The following ROBO2 variants were observed in gnomAD, a reference collection of about 807,000 sequenced individuals.
ROBO2 encodes roundabout homolog 2.
Under a neutral mutation model 160.8 loss-of-function variants are expected in ROBO2, and 53 were observed. The observed-to-expected ratio is 0.33, with a 90% CI of 0.26 to 0.41. ROBO2 has a LOEUF of 0.41. Ranked by LOEUF, ROBO2 falls within the 10% of genes least tolerant of loss-of-function variation. The probability of loss-of-function intolerance (pLI) is 1.00; values close to 1 mark genes in which losing one functional copy is unlikely to be tolerated. For synonymous variants in ROBO2, 664 were observed against 611.7 expected (o/e 1.09, Z -1.26); for missense variants, 1,577 against 1,722.4 (o/e 0.92, Z 1.49).
In ROBO2 at chr3:76,580,356, T is replaced by G. The variant is rs1466800923; in HGVS notation, c.110-517658T>G. ...TTTTTTTTTGTGTTTTTTTTTTTGT[T>G]TTTTTTTTTGGTTTTTTTCTCTTGG... On this transcript the variant is annotated intron_variant, in intron 2 of 26. Coordinates refer to the ROBO2 transcript ENST00000487694. Among the ~76,000 whole-genome samples the G allele has an allele frequency of 7.6e-3, 1,120 of 147,344 alleles. 17 individuals are homozygous for G. Among genetic ancestry groups the G allele is most frequent in the African/African-American group, 0.026 (1,042 of 39,902 alleles).
chr3:76,201,534 G>C (rs2107254423), intron 2 of ROBO2, among the ~76,000 whole-genome samples: 1 of 152,236 alleles, frequency 6.6e-6, no homozygotes, highest in East Asian at 1.9e-4. Context: ...CTATGTCCCT[G>C]TGGCCATTGT....
chr3:76,646,919 A>G lies in ROBO2; in HGVS notation c.110-451095A>G, dbSNP rs190249815. On this transcript the variant is annotated intron_variant, in intron 2 of 26. Transcript: ENST00000487694. ...TTACTATCAGAACTAGCAATTCAGTAAGTCATCACCACCCCTATGGCTGGG... is the reference window on the plus strand; with the variant it reads ...TTACTATCAGAACTAGCAATTCAGTGAGTCATCACCACCCCTATGGCTGGG... Among the ~76,000 whole-genome samples the G allele has an allele frequency of 2.0e-3, 303 of 152,354 alleles. 1 individual carries two copies. Among genetic ancestry groups the G allele is most frequent in the African/African-American group, 6.9e-3 (289 of 41,592 alleles).
At chr3:76,112,685 A>C (rs1228532449) in intron 2 of ROBO2, among the ~76,000 whole-genome samples, 4 of 143,208 alleles carry the variant, frequency 2.8e-5, no homozygotes, top group Non-Finnish European at 4.5e-5. Flanking sequence ...AATTCAAATC[A>C]GATTATTCTT....
chr3:76,025,413 A>G (rs1483475738), intron 2 of ROBO2, among the ~76,000 whole-genome samples: 3 of 151,692 alleles, frequency 2.0e-5, no homozygotes, highest in African/African-American at 7.2e-5. Flanking sequence ...CATATAGAAT[A>G]ATTAGGAAAA....
chr3:76,463,159 G>A (rs1014402310), intron 2 of ROBO2, among the ~76,000 whole-genome samples: 1 of 152,076 alleles, frequency 6.6e-6, no homozygotes, highest in Non-Finnish European at 1.5e-5. Flanking sequence ...AGGCTCAATG[G>A]CACAGGCAGG....
intron 2 of ROBO2, among the ~76,000 whole-genome samples, chr3:76,735,709 C>T (rs2093697053): frequency 7.5e-6 from 1 of 133,996 alleles, no homozygotes; most frequent in African/African-American, 2.8e-5. Flanking sequence ...ATGCAGTGAG[C>T]AGAGATCACG....
chr3:77,563,127 T>A, intron 10 of ROBO2, 40 bp from the exon 12 acceptor site: 1 of 1,602,602 alleles, frequency 6.2e-7, no homozygotes, highest in Non-Finnish European at 8.5e-7. Flanking sequence ...TGTCAACTTA[T>A]GCAATCAGGA....
At chr3:76,342,059 A>G (rs1003440104) in intron 2 of ROBO2, among the ~76,000 whole-genome samples, 2 of 152,160 alleles carry the variant, frequency 1.3e-5, no homozygotes, top group African/African-American at 4.8e-5. Flanking sequence ...AATAAAGTAG[A>G]GGATTGTTTC....
At position 75,970,884 on chromosome 3, in the gene ROBO2, A is replaced by T. The variant is rs541222426; in HGVS notation, c.109+33282A>T. The stretch of plus-strand genomic sequence containing the variant: ...AAATATGCTTTTTGAAACTATTCTC[A>T]TGAATATGAAATTAACCTCAATAAA... On this transcript the variant is annotated intron_variant, in intron 2 of 26. Coordinates refer to the ROBO2 transcript ENST00000487694. Among the ~76,000 whole-genome samples, 55 of 151,368 alleles carry T rather than the reference A, an allele frequency of 3.6e-4. 1 individual carries two copies. The highest frequency in any genetic ancestry group is 1.2e-3 in the African/African-American group (50 of 41,418).
intron 2 of ROBO2, among the ~76,000 whole-genome samples, chr3:76,740,402 T>C (rs1027111567): frequency 3.3e-5 from 5 of 152,196 alleles, no homozygotes; most frequent in Non-Finnish European, 5.9e-5. Context: ...TTGAGATGTA[T>C]ACTATTGGCT....
At chr3:76,892,854 A>T (rs2074455312) in intron 2 of ROBO2, among the ~76,000 whole-genome samples, 1 of 152,086 alleles carries the variant, frequency 6.6e-6, no homozygotes, top group African/African-American at 2.4e-5. Context: ...AACCTATAAG[A>T]CGTCCTTTCC....
chr3:75,915,770 A>G (rs1472895595), intron 1 of ROBO2, among the ~76,000 whole-genome samples: 1 of 152,094 alleles, frequency 6.6e-6, no homozygotes, highest in African/African-American at 2.4e-5. Flanking sequence ...ATTATAGGGG[A>G]GATAATAAAA....
At chr3:76,612,684 C>A (rs1162902087) in intron 2 of ROBO2, among the ~76,000 whole-genome samples, 1 of 152,092 alleles carries the variant, frequency 6.6e-6, no homozygotes, top group Admixed American at 6.5e-5. Flanking sequence ...GCATGTTCTG[C>A]ACATGTATCC....
intron 2 of ROBO2, among the ~76,000 whole-genome samples, chr3:76,668,498 G>A (rs2110140319): frequency 6.6e-6 from 1 of 152,218 alleles, no homozygotes; most frequent in African/African-American, 2.4e-5. Context: ...GATAATTTAT[G>A]TCCTACCCAA....
At chr3:76,691,954 A>C (rs1052244956) in intron 2 of ROBO2, among the ~76,000 whole-genome samples, 1 of 152,154 alleles carries the variant, frequency 6.6e-6, no homozygotes, top group African/African-American at 2.4e-5. Flanking sequence ...GCCAAGTTAC[A>C]TCTTAGCCAA....
Position 77,297,263 on chromosome 3 carries a change from C to T in ROBO2, c.389-180151C>T, listed in dbSNP as rs375304977. On this transcript the variant is annotated intron_variant, in intron 2 of 25. Coordinates refer to ENST00000461745, the Ensembl canonical transcript of ROBO2. ...GTTCAGGCTCAAGTTAGTCAATTTACGAGTGATAGTTAAGCATAATTTTTG... is the reference window on the plus strand; with the variant it reads ...GTTCAGGCTCAAGTTAGTCAATTTATGAGTGATAGTTAAGCATAATTTTTG... 2.6e-5 allele frequency among the ~76,000 whole-genome samples: 4 copies of T among 152,132 alleles called. No individual in the cohort carries two copies. In the South Asian group the frequency reaches 6.2e-4, roughly 24 times the overall value.
chr3:76,146,346 T>C (rs1448107347), intron 2 of ROBO2, among the ~76,000 whole-genome samples: 1 of 151,982 alleles, frequency 6.6e-6, no homozygotes, highest in Non-Finnish European at 1.5e-5. Context: ...CTTAAAGCAT[T>C]CTCTCAGGAA....
At chr3:77,404,391 C>G (rs1382301734) in intron 2 of ROBO2, among the ~76,000 whole-genome samples, 1 of 152,080 alleles carries the variant, frequency 6.6e-6, no homozygotes, top group Non-Finnish European at 1.5e-5. Flanking sequence ...GGACAACTAG[C>G]TCAGACATTT....
chr3:76,062,120 C>G (rs1028704730), intron 2 of ROBO2, among the ~76,000 whole-genome samples: 6 of 152,252 alleles, frequency 3.9e-5, no homozygotes, highest in African/African-American at 1.4e-4. Context: ...CTAACACATT[C>G]ACAGGTTTAC....
Sources: allele counts gnomAD v4.1 joint callset (sites outside exome capture counted in the v4.1 genomes callset), GRCh38; gene constraint gnomAD v4.1.1; transcripts MANE v1.5; gene names NCBI Gene and HGNC (gene_info 2026-07-23, HGNC 2026-07-21).